Variants in PLEKHA6 observed in about 807,000 individuals in gnomAD.
The protein encoded by PLEKHA6 is pleckstrin homology domain-containing family A member 6.
PLEKHA6 carries 60 observed loss-of-function variants against 116.7 expected under a neutral mutation model. The observed-to-expected ratio is 0.51, with a 90% CI of 0.42 to 0.64. The LOEUF is 0.64. PLEKHA6 is among the 30% of genes least tolerant of loss of function. The pLI, the probability that PLEKHA6 is intolerant of heterozygous loss-of-function variation, is 0.00. For missense variants in PLEKHA6, 1,338 were observed against 1,422.7 expected, an observed-to-expected ratio of 0.94 and a Z score of 0.96; for synonymous variants, 489 against 556.1, an observed-to-expected ratio of 0.88 and a Z score of 1.70.
At chr1:204,281,966 T>C (rs915398361) in intron 1 of PLEKHA6, among the ~76,000 whole-genome samples, 2 of 152,046 alleles carry the variant, frequency 1.3e-5, no homozygotes, top group South Asian at 4.1e-4. Context: ...TGAGCTCAGC[T>C]CCCACCACAG....
chr1:204,368,786 G>A (rs953325155), intron 2 of PLEKHA6: 6 of 152,316 alleles, frequency 3.9e-5, no homozygotes, highest in Non-Finnish European at 5.9e-5. Context: ...TTGGGAGTGC[G>A]AGCCTCCTGG....
intron 9 of PLEKHA6, among the ~76,000 whole-genome samples, chr1:204,251,907 A>G (rs1664622626): frequency 6.6e-6 from 1 of 151,822 alleles, no homozygotes; most frequent in Admixed American, 6.5e-5. Context: ...TCCCATCCGC[A>G]CTGGCCACGG....
chr1:204,314,832 G>C (rs1228100182), intron 1 of PLEKHA6, among the ~76,000 whole-genome samples: 1 of 143,482 alleles, frequency 7.0e-6, no homozygotes, highest in African/African-American at 2.5e-5. Context: ...ATGTATGCTG[G>C]TATTTGGGGA....
intron 1 of PLEKHA6, among the ~76,000 whole-genome samples, chr1:204,336,749 G>C (rs1302624043): frequency 6.6e-6 from 1 of 152,222 alleles, no homozygotes; most frequent in East Asian, 1.9e-4. Context: ...TGCAGGAAAT[G>C]CTTTTCCTTA....
chr1:204,326,172 C>G (rs1672236773), intron 1 of PLEKHA6, among the ~76,000 whole-genome samples: 2 of 152,174 alleles, frequency 1.3e-5, no homozygotes, highest in Non-Finnish European at 2.9e-5. Flanking sequence ...AGTTCCATGC[C>G]CCCTTCTGCC....
At chr1:204,270,256 C>T (rs192059558) in intron 3 of PLEKHA6, among the ~76,000 whole-genome samples, 307 of 152,264 alleles carry the variant, frequency 2.0e-3, no homozygotes, top group African/African-American at 7.1e-3. Context: ...CGCAATCACA[C>T]TTTTATTATT....
At chr1:204,243,847 GT>G in intron 15 of PLEKHA6, among the ~76,000 whole-genome samples, 1 of 152,038 alleles carries the variant, frequency 6.6e-6, no homozygotes, top group South Asian at 2.1e-4. Flanking sequence ...TTGAGATGGA[GT>G]CTGGCTCTGT....
At chr1:204,256,215 G>A (rs1665263171) in intron 9 of PLEKHA6, among the ~76,000 whole-genome samples, 1 of 152,020 alleles carries the variant, frequency 6.6e-6, no homozygotes, top group South Asian at 2.1e-4. Context: ...TCTGCCTGTT[G>A]GTCCCAGTGG....
rs547526083 is a variant in PLEKHA6 at position 204,244,307 on chromosome 1, T to A, written c.2172+557A>T. Among the ~76,000 whole-genome samples, 7 of 26,790 alleles carry A rather than the reference T, an allele frequency of 2.6e-4. No individual in the cohort carries two copies. The East Asian group carries it at 0.039, about 151-fold the overall frequency. 17.6% of individuals were successfully genotyped at this position (26,790 alleles called of 152,430 possible). A position where few individuals can be genotyped will look rare whatever the true frequency, so the allele number is the denominator to read the frequency against. On this transcript the variant is annotated intron_variant, in intron 15 of 22. Transcript: ENST00000272203. ...CCACCACGCTCAGCTAATTTTTGTATTTTTTTTTTTTTTTTAGTAAAGATG... is the reference window on the plus strand; with the variant it reads ...CCACCACGCTCAGCTAATTTTTGTAATTTTTTTTTTTTTTTAGTAAAGATG...
At chr1:204,321,738 C>T (rs974368602) in intron 1 of PLEKHA6, among the ~76,000 whole-genome samples, 57 of 152,142 alleles carry the variant, frequency 3.7e-4, no homozygotes, top group African/African-American at 1.3e-3. Context: ...GACTGTGAAA[C>T]GGAAAGGACA....
rs1372503321 is a variant in PLEKHA6 at position 204,273,739 on chromosome 1, A to G, written c.-12T>C. 6.2e-7 allele frequency: 1 copy of G among 1,605,038 alleles called. No individual in the cohort carries two copies. Among genetic ancestry groups the G allele is most frequent in the Admixed American group, 1.7e-5 (1 of 60,016 alleles). On this transcript the variant is annotated splice_region_variant and 5_prime_UTR_variant, in exon 3 of 23. Coordinates refer to ENST00000272203, the MANE Select transcript of PLEKHA6 (RefSeq NM_014935.5). Reference sequence around the variant, plus strand: ...GTTTTATTGGACATGTCCAAGGTCGATCTGATTTCAAGTCGACCAGAGAAA... The same window carrying G: ...GTTTTATTGGACATGTCCAAGGTCGGTCTGATTTCAAGTCGACCAGAGAAA...
intron 1 of PLEKHA6, chr1:204,311,489 G>T: frequency 2.5e-6 from 1 of 399,150 alleles, no homozygotes; most frequent in Non-Finnish European, 3.4e-6. Flanking sequence ...GAAACTCTGT[G>T]TCAAAAAAAA....
chr1:204,227,967 T>C (rs1402401686), intron 21 of PLEKHA6, 116 bp downstream of exon 21: 2 of 1,064,470 alleles, frequency 1.9e-6, no homozygotes, highest in African/African-American at 3.2e-5. Context: ...GAGGAGCATC[T>C]CCTCAGCCTT....
chr1:204,347,457 T>C (rs1673104095), intron 1 of PLEKHA6, among the ~76,000 whole-genome samples: 1 of 151,574 alleles, frequency 6.6e-6, no homozygotes, highest in Non-Finnish European at 1.5e-5. Flanking sequence ...ACACATGCTC[T>C]ACAATTTGTG....
intron 1 of PLEKHA6, among the ~76,000 whole-genome samples, chr1:204,299,221 A>G (rs186525088): frequency 6.6e-6 from 1 of 152,342 alleles, no homozygotes; most frequent in African/African-American, 2.4e-5. Context: ...GACTTTGCAC[A>G]CATGGTTGGT....
chr1:204,332,851 G>C (rs1226435712), intron 1 of PLEKHA6, among the ~76,000 whole-genome samples: 3 of 152,220 alleles, frequency 2.0e-5, no homozygotes, highest in African/African-American at 7.2e-5. Context: ...CCAAGCCTCA[G>C]TTATAAAGTC....
chr1:204,296,598 G>T (rs1461547949), intron 1 of PLEKHA6, among the ~76,000 whole-genome samples: 1 of 152,098 alleles, frequency 6.6e-6, no homozygotes, highest in Non-Finnish European at 1.5e-5. Context: ...CAGCTGCCTG[G>T]CCCCTTGCAT....
chr1:204,240,386 A>C (rs1381901259), intron 17 of PLEKHA6, among the ~76,000 whole-genome samples: 1 of 152,248 alleles, frequency 6.6e-6, no homozygotes, highest in East Asian at 1.9e-4. Flanking sequence ...GTAGTCATCA[A>C]TATCTGCTAT....
chr1:204,371,622 TAAG>T (rs1207471913), intron 1 of PLEKHA6: 2 of 152,168 alleles, frequency 1.3e-5, no homozygotes, highest in Non-Finnish European at 2.9e-5. Flanking sequence ...GAAAGATCAA[TAAG>T]AAAGTGTCAG....
Sources: gnomAD v4.1 joint callset for allele counts (sites outside exome capture counted in the v4.1 genomes callset) on GRCh38, gnomAD v4.1.1 for gene constraint, MANE v1.5 for transcripts, NCBI Gene and HGNC (gene_info 2026-07-23, HGNC 2026-07-21) for gene names.